Variants in PAPPA observed in about 807,000 individuals in gnomAD.
PAPPA encodes the protein pappalysin 1, also known as pappalysin-1.
PAPPA carries 60 observed loss-of-function variants against 164.0 expected under a neutral mutation model. That is an observed-to-expected ratio of 0.37 (90% CI 0.30 to 0.45). PAPPA has a LOEUF of 0.45. PAPPA is among the 20% of genes least tolerant of loss of function. The probability of loss-of-function intolerance (pLI) is 1.00; values close to 1 mark genes in which losing one functional copy is unlikely to be tolerated. For missense variants in PAPPA, 1,782 were observed against 2,087.3 expected (o/e 0.85, Z 2.85); for synonymous variants, 875 against 814.1 (o/e 1.07, Z -1.27).
intron 12 of PAPPA, among the ~76,000 whole-genome samples, chr9:116,333,860 C>T (rs1471779712): frequency 6.6e-6 from 1 of 152,114 alleles, no homozygotes; most frequent in Non-Finnish European, 1.5e-5. Context: ...TTTTTCCCCT[C>T]CACCCCCACC....
At chr9:116,376,858 A>T (rs1846660474) in intron 19 of PAPPA, among the ~76,000 whole-genome samples, 1 of 152,124 alleles carries the variant, frequency 6.6e-6, no homozygotes, top group Non-Finnish European at 1.5e-5. Flanking sequence ...GACCAGTATG[A>T]CACGGCAGCA....
intron 9 of PAPPA, among the ~76,000 whole-genome samples, chr9:116,279,490 C>T (rs1369526834): frequency 6.6e-6 from 1 of 151,996 alleles, no homozygotes; most frequent in Non-Finnish European, 1.5e-5. Flanking sequence ...TGAAAAGAAA[C>T]AGAACGGCCT....
chr9:116,328,762 C>G (rs1845952316), intron 10 of PAPPA, among the ~76,000 whole-genome samples: 1 of 152,156 alleles, frequency 6.6e-6, no homozygotes, highest in Non-Finnish European at 1.5e-5. Flanking sequence ...CCCTGGCCAA[C>G]TTCTTCATGG....
chr9:116,231,693 GGATGGATGGATGGATGGATGGATGGATA>G (rs1844595641), intron 6 of PAPPA, among the ~76,000 whole-genome samples: 1 of 150,626 alleles, frequency 6.6e-6, no homozygotes, highest in East Asian at 2.0e-4. Context: ...ATGGATGGAT[GGATGGATGGATGGATGGATGGATGGATA>G]GTGTCTGTGT....
At chr9:116,198,345 G>A (rs1844131504) in intron 2 of PAPPA, among the ~76,000 whole-genome samples, 1 of 152,180 alleles carries the variant, frequency 6.6e-6, no homozygotes, top group Admixed American at 6.5e-5. Flanking sequence ...TGAACTCAGA[G>A]TTTCTGAGGC....
At position 116,170,897 on chromosome 9, in the gene PAPPA, CCT is replaced by C. The variant is rs1187427577; in HGVS notation, c.416-16256_416-16255del. Among the ~76,000 whole-genome samples, 7 of 152,004 alleles carry C rather than the reference CCT, an allele frequency of 4.6e-5. No homozygotes were observed. In the East Asian group the frequency reaches 1.4e-3, roughly 29 times the overall value. On this transcript the variant is annotated intron_variant, in intron 1 of 21. Coordinates refer to ENST00000328252, the MANE Select transcript of PAPPA (RefSeq NM_002581.5). ...TGAGTTCTTAAAAAAAAAAAAATCC[CCT>C]GAGACATCTTCACTGAACCTTATGC...
intron 21 of PAPPA, among the ~76,000 whole-genome samples, chr9:116,395,490 T>A (rs1846950601): frequency 6.6e-6 from 1 of 152,196 alleles, no homozygotes; most frequent in African/African-American, 2.4e-5. Flanking sequence ...GAAAGTTATA[T>A]GCAAATGTCA....
chr9:116,377,935 T>TGTC (rs1176177221), intron 20 of PAPPA, among the ~76,000 whole-genome samples: 2 of 152,134 alleles, frequency 1.3e-5, no homozygotes, highest in African/African-American at 4.8e-5. Context: ...ATATGGGATC[T>TGTC]GTAAGAAAGG....
At chr9:116,265,705 T>C (rs985887871) in intron 7 of PAPPA, 152 bp from the exon 8 acceptor site, 5 of 577,892 alleles carry the variant, frequency 8.7e-6, no homozygotes, top group Non-Finnish European at 1.5e-5. Flanking sequence ...GTAGCCATAG[T>C]GGACAATAGA....
At chr9:116,245,765 C>T (rs570468369) in intron 7 of PAPPA, among the ~76,000 whole-genome samples, 19 of 152,210 alleles carry the variant, frequency 1.2e-4, no homozygotes, top group South Asian at 4.2e-4. Flanking sequence ...TCCCATGAGT[C>T]GTAAGAGAGG....
intron 9 of PAPPA, among the ~76,000 whole-genome samples, chr9:116,282,122 C>T (rs1845275095): frequency 6.6e-6 from 1 of 152,180 alleles, no homozygotes; most frequent in South Asian, 2.1e-4. Flanking sequence ...CTGCCAGGAC[C>T]TCTGTGAACA....
chr9:116,331,096 C>T, intron 10 of PAPPA, 148 bp from the exon 11 acceptor site: 1 of 606,696 alleles, frequency 1.6e-6, no homozygotes, highest in South Asian at 2.1e-5. Context: ...AATGTGAGCT[C>T]CTGGACCAGA....
chr9:116,192,908 C>T (rs1844060382), intron 2 of PAPPA, among the ~76,000 whole-genome samples: 1 of 152,160 alleles, frequency 6.6e-6, no homozygotes, highest in Non-Finnish European at 1.5e-5. Flanking sequence ...GTAGCTACCT[C>T]ACTGAGAGAG....
intron 1 of PAPPA, among the ~76,000 whole-genome samples, chr9:116,185,803 A>G (rs1843962612): frequency 6.6e-6 from 1 of 152,182 alleles, no homozygotes; most frequent in South Asian, 2.1e-4. Context: ...CAGAGTAACT[A>G]TAGAGATGCT....
intron 3 of PAPPA, among the ~76,000 whole-genome samples, chr9:116,208,073 C>T (rs888187192): frequency 6.6e-6 from 1 of 152,220 alleles, no homozygotes; most frequent in Non-Finnish European, 1.5e-5. Context: ...TTTGCAAGAA[C>T]TCTGTGTTCC....
chr9:116,385,366 A>G (rs1424085180), intron 21 of PAPPA, among the ~76,000 whole-genome samples: 2 of 152,096 alleles, frequency 1.3e-5, no homozygotes, highest in African/African-American at 4.8e-5. Context: ...ATCCATTTGG[A>G]AAGTTCTCTG....
In PAPPA at chr9:116,400,073, T is replaced by G. The variant is rs528039152; in HGVS notation, c.*3457T>G. On this transcript the variant is annotated 3_prime_UTR_variant, in exon 22 of 22. Coordinates refer to ENST00000328252, the MANE Select transcript of PAPPA (RefSeq NM_002581.5). ...AGAGAAAGGAAATTATAAGGTCAAG[T>G]TAACAGTTTTGAGGTTTTGTGTTTT... 1 of 152,692 alleles carries G rather than the reference T, an allele frequency of 6.5e-6. No homozygotes were observed. The highest frequency in any genetic ancestry group is 1.9e-4 in the East Asian group (1 of 5,174). 9.5% of individuals were successfully genotyped at this position (152,692 alleles called of 1,614,324 possible).
chr9:116,275,812 A>G (rs964131606), intron 9 of PAPPA, among the ~76,000 whole-genome samples: 2 of 152,014 alleles, frequency 1.3e-5, no homozygotes, highest in Admixed American at 1.3e-4. Context: ...TGGGTGACAG[A>G]TTTATGGTGA....
rs1846670262 is a variant in PAPPA at position 116,377,461 on chromosome 9, A to G, written c.4606-115A>G. The G allele has an allele frequency of 7.6e-6, 5 of 659,326 alleles. No individual in the cohort carries two copies. The South Asian group carries it at 9.5e-5, about 13-fold the overall frequency. 40.8% of individuals were successfully genotyped at this position (659,326 alleles called of 1,614,324 possible). On this transcript the variant is annotated intron_variant, in intron 19 of 21. Transcript: ENST00000328252. Reference sequence around the variant, plus strand: ...AGTTCTCCATGTAAAAGCCAGGGTGAGGTCAGGAATTGGAAGGTCCCAGAA... The same window carrying G: ...AGTTCTCCATGTAAAAGCCAGGGTGGGGTCAGGAATTGGAAGGTCCCAGAA...
Sources: allele counts gnomAD v4.1 joint callset (sites outside exome capture counted in the v4.1 genomes callset), GRCh38; gene constraint gnomAD v4.1.1; transcripts MANE v1.5; gene names NCBI Gene and HGNC (gene_info 2026-07-23, HGNC 2026-07-21).